UNC5D: variants seen among roughly 807,000 people sequenced by gnomAD.
UNC5D encodes netrin receptor UNC5D.
In UNC5D, 39 loss-of-function variants were observed where a neutral mutation model predicts 105.4. That is an observed-to-expected ratio of 0.37 (90% CI 0.29 to 0.48). The LOEUF is 0.48. Ranked by LOEUF, UNC5D falls within the 20% of genes least tolerant of loss-of-function variation. The pLI is 0.98. For missense variants in UNC5D, 991 were observed against 1,202.4 expected (o/e 0.82, Z 2.60); for synonymous variants, 452 against 450.4 (o/e 1.00, Z -0.04).
At chr8:35,608,119 G>A (rs747197661) in intron 4 of UNC5D, among the ~76,000 whole-genome samples, 3 of 152,028 alleles carry the variant, frequency 2.0e-5, no homozygotes, top group Non-Finnish European at 4.4e-5. Flanking sequence ...CAACATGAAT[G>A]TCTGGGGACT....
chr8:35,673,969 C>T (rs1825021078), intron 4 of UNC5D, among the ~76,000 whole-genome samples: 1 of 152,142 alleles, frequency 6.6e-6, no homozygotes, highest in South Asian at 2.1e-4. Context: ...AGGGGGCTAG[C>T]TTGACTTGGC....
At chr8:35,384,219 A>C (rs961620647) in intron 1 of UNC5D, among the ~76,000 whole-genome samples, 1 of 129,312 alleles carries the variant, frequency 7.7e-6, no homozygotes, top group Non-Finnish European at 1.7e-5. Context: ...ACTCCATTTC[A>C]AAAAAAAAAA....
intron 7 of UNC5D, among the ~76,000 whole-genome samples, chr8:35,697,996 ACCTC>A (rs1001952161): frequency 8.6e-5 from 13 of 151,532 alleles, no homozygotes; most frequent in African/African-American, 3.2e-4. Flanking sequence ...AAACCTCCCT[ACCTC>A]CCTCCTGAGC....
chr8:35,596,769 T>G (rs1819514866), intron 4 of UNC5D, among the ~76,000 whole-genome samples: 1 of 152,320 alleles, frequency 6.6e-6, no homozygotes, highest in South Asian at 2.1e-4. Flanking sequence ...TCTTTTGAGT[T>G]TCTGATTAGC....
At chr8:35,268,123 T>G (rs2128830269) in intron 1 of UNC5D, among the ~76,000 whole-genome samples, 1 of 152,316 alleles carries the variant, frequency 6.6e-6, no homozygotes, top group South Asian at 2.1e-4. Flanking sequence ...CTTAGAAAAC[T>G]TAGAAACATA....
intron 14 of UNC5D, among the ~76,000 whole-genome samples, chr8:35,763,446 C>CTT (rs201449850): frequency 4.8e-5 from 6 of 124,710 alleles, no homozygotes; most frequent in Non-Finnish European, 8.6e-5. Context: ...TGGTCAGTGC[C>CTT]TTTTTTTTTT....
At chr8:35,579,973 G>T (rs937702927) in intron 3 of UNC5D, among the ~76,000 whole-genome samples, 7 of 152,118 alleles carry the variant, frequency 4.6e-5, no homozygotes, top group African/African-American at 1.2e-4. Flanking sequence ...TGAAGAGGAA[G>T]GTACAAATGT....
chr8:35,788,811 G>C (rs1299665509), intron 16 of UNC5D, among the ~76,000 whole-genome samples: 1 of 151,848 alleles, frequency 6.6e-6, no homozygotes, highest in Non-Finnish European at 1.5e-5. Flanking sequence ...GAAAAGAGGA[G>C]ATGAGAATTG....
intron 3 of UNC5D, among the ~76,000 whole-genome samples, chr8:35,586,546 C>T (rs1818806711): frequency 6.6e-6 from 1 of 152,156 alleles, no homozygotes; most frequent in Non-Finnish European, 1.5e-5. Flanking sequence ...ACCCATCCTG[C>T]ATGTGAACCA....
intron 1 of UNC5D, among the ~76,000 whole-genome samples, chr8:35,305,122 A>G (rs1186322364): frequency 1.3e-5 from 2 of 152,138 alleles, no homozygotes; most frequent in Non-Finnish European, 2.9e-5. Flanking sequence ...TAAGCAAATT[A>G]TGATAGCGGT....
At chr8:35,312,349 A>G (rs1179187950) in intron 1 of UNC5D, among the ~76,000 whole-genome samples, 2 of 152,320 alleles carry the variant, frequency 1.3e-5, no homozygotes, top group African/African-American at 2.4e-5. Context: ...AGGCAAGTCA[A>G]ACATTTAAAT....
chr8:35,578,201 C>T (rs535112857), intron 3 of UNC5D, among the ~76,000 whole-genome samples: 42 of 119,228 alleles, frequency 3.5e-4, no homozygotes, highest in Non-Finnish European at 4.8e-4. Flanking sequence ...CTCCAGCCTG[C>T]GGGACAAGAG....
At chr8:35,762,434 T>C (rs1801577466) in intron 14 of UNC5D, among the ~76,000 whole-genome samples, 1 of 152,192 alleles carries the variant, frequency 6.6e-6, no homozygotes, top group African/African-American at 2.4e-5. Flanking sequence ...ATGTCAGCTC[T>C]TCTGAGATCT....
chr8:35,382,706 C>T (rs969859092), intron 1 of UNC5D, among the ~76,000 whole-genome samples: 1 of 152,132 alleles, frequency 6.6e-6, no homozygotes. Context: ...CTGGACTTGG[C>T]TCCTGCTGTC....
intron 1 of UNC5D, among the ~76,000 whole-genome samples, chr8:35,469,220 G>C (rs147157115): frequency 1.3e-5 from 2 of 152,240 alleles, no homozygotes; most frequent in East Asian, 3.9e-4. Flanking sequence ...GTTAATACTC[G>C]AAGTCAAATA....
chr8:35,689,979 A>G (rs1826274180), intron 7 of UNC5D, among the ~76,000 whole-genome samples: 1 of 152,254 alleles, frequency 6.6e-6, no homozygotes, highest in Non-Finnish European at 1.5e-5. Flanking sequence ...TAACATAGCT[A>G]GGAAGATAGG....
chr8:35,467,589 A>AAAAAAAAAAAAAAAAAAAG (rs1554537851), intron 1 of UNC5D, among the ~76,000 whole-genome samples: 1 of 126,246 alleles, frequency 7.9e-6, no homozygotes, highest in African/African-American at 2.8e-5. Flanking sequence ...AAAAAAAAAA[A>AAAAAAAAAAAAAAAAAAAG]AAGAAGAAAA....
intron 1 of UNC5D, among the ~76,000 whole-genome samples, chr8:35,322,454 T>C (rs1167923423): frequency 6.6e-6 from 1 of 152,090 alleles, no homozygotes; most frequent in Non-Finnish European, 1.5e-5. Context: ...TTTAGCTTCA[T>C]TGGGATTAGC....
intron 7 of UNC5D, among the ~76,000 whole-genome samples, chr8:35,693,584 C>T (rs1002267438): frequency 1.3e-5 from 2 of 152,038 alleles, no homozygotes; most frequent in African/African-American, 4.8e-5. Flanking sequence ...CTTCTATTTC[C>T]TCATGGATCT....
Sources: gnomAD v4.1 joint callset for allele counts (sites outside exome capture counted in the v4.1 genomes callset) on GRCh38, gnomAD v4.1.1 for gene constraint, MANE v1.5 for transcripts, NCBI Gene and HGNC (gene_info 2026-07-23, HGNC 2026-07-21) for gene names.